The following FRMD4A variants were observed in gnomAD, a reference collection of about 807,000 sequenced individuals.
FRMD4A encodes FERM domain containing 4A, also known as FERM domain-containing protein 4A.
A neutral mutation model predicts 129.1 loss-of-function variants in FRMD4A; 29 were observed. The observed-to-expected ratio is 0.22, with a 90% CI of 0.17 to 0.31. FRMD4A has a LOEUF of 0.31. Ranked by LOEUF, FRMD4A falls within the 10% of genes least tolerant of loss-of-function variation. FRMD4A has a pLI of 1.00. For missense variants in FRMD4A, 1,272 were observed against 1,375.8 expected, an observed-to-expected ratio of 0.92 and a Z score of 1.19; for synonymous variants, 634 against 571.6, an observed-to-expected ratio of 1.11 and a Z score of -1.56.
intron 15 of FRMD4A, among the ~76,000 whole-genome samples, chr10:13,680,993 G>C (rs1303924761): frequency 6.6e-6 from 1 of 152,212 alleles, no homozygotes; most frequent in Non-Finnish European, 1.5e-5. Flanking sequence ...AACGCCTTGA[G>C]TTACTAATCT....
rs199665770 is a variant in FRMD4A at position 14,330,135 on chromosome 10, C to T, written c.-33G>A. 2.5e-3 allele frequency: 3,837 copies of T among 1,550,432 alleles called. 16 individuals carry two copies. The highest frequency in any genetic ancestry group is 0.01 in the Middle Eastern group (60 of 5,984). On this transcript the variant is annotated 5_prime_UTR_variant, in exon 2 of 25. Coordinates refer to ENST00000357447, the MANE Select transcript of FRMD4A (RefSeq NM_018027.5). ...GATTCCCATGCACGAATCCTGCTGC[C>T]GAGTCAGTCCTCCTGGGCCCCGGGT...
At chr10:13,734,715 C>T (rs1385454765) in intron 12 of FRMD4A, among the ~76,000 whole-genome samples, 2 of 152,216 alleles carry the variant, frequency 1.3e-5, no homozygotes, top group East Asian at 1.9e-4. Flanking sequence ...ATTCCTATTA[C>T]ACCACTCAGA....
chr10:13,666,005 C>G, intron 18 of FRMD4A, 92 bp downstream of exon 18: 1 of 743,352 alleles, frequency 1.3e-6, no homozygotes, highest in South Asian at 1.5e-5. Flanking sequence ...GGCAGCTGCT[C>G]AGGTCGTGCA....
chr10:13,827,206 C>T (rs972737391), intron 3 of FRMD4A, among the ~76,000 whole-genome samples: 2 of 152,098 alleles, frequency 1.3e-5, no homozygotes, highest in African/African-American at 2.4e-5. Flanking sequence ...ACAAAAGAAA[C>T]GGGTTAGCTT....
At chr10:14,145,182 A>G (rs1159585945) in intron 2 of FRMD4A, among the ~76,000 whole-genome samples, 1 of 152,200 alleles carries the variant, frequency 6.6e-6, no homozygotes, top group East Asian at 1.9e-4. Context: ...GTGACAGCAC[A>G]CAGCAGAATC....
intron 2 of FRMD4A, among the ~76,000 whole-genome samples, chr10:14,238,328 A>C (rs1359576361): frequency 6.6e-6 from 1 of 152,204 alleles, no homozygotes; most frequent in Non-Finnish European, 1.5e-5. Context: ...GAGTCCAGGT[A>C]ATGAGTCCAG....
chr10:14,042,681 A>T (rs1477812100), intron 2 of FRMD4A, among the ~76,000 whole-genome samples: 2 of 152,060 alleles, frequency 1.3e-5, no homozygotes, highest in African/African-American at 2.4e-5. Context: ...ATTTGAAAAC[A>T]GGCCGGCGCA....
intron 2 of FRMD4A, among the ~76,000 whole-genome samples, chr10:13,917,715 A>G (rs1187701314): frequency 6.6e-6 from 1 of 152,202 alleles, no homozygotes; most frequent in Non-Finnish European, 1.5e-5. Flanking sequence ...CAAACCCAAC[A>G]GCTCACCCTT....
intron 2 of FRMD4A, among the ~76,000 whole-genome samples, chr10:13,967,147 T>C (rs982040474): frequency 2.0e-5 from 3 of 152,168 alleles, no homozygotes; most frequent in Non-Finnish European, 2.9e-5. Flanking sequence ...CCATCCTGGC[T>C]AACACGGTGA....
chr10:14,172,300 C>T (rs1490917203), intron 2 of FRMD4A, among the ~76,000 whole-genome samples: 1 of 152,076 alleles, frequency 6.6e-6, no homozygotes, highest in Non-Finnish European at 1.5e-5. Context: ...TTGGTAGGAC[C>T]CGAACCCCAC....
intron 2 of FRMD4A, among the ~76,000 whole-genome samples, chr10:13,905,021 C>T (rs960330607): frequency 6.3e-4 from 61 of 96,162 alleles, no homozygotes; most frequent in Non-Finnish European, 1.2e-3. Context: ...GAAAAGAAAA[C>T]AGCATTTGAC....
At chr10:14,128,395 C>T (rs1399965966) in intron 2 of FRMD4A, among the ~76,000 whole-genome samples, 6 of 152,220 alleles carry the variant, frequency 3.9e-5, no homozygotes, top group East Asian at 3.9e-4. Context: ...TGAGCCACCC[C>T]GCCCAGCATA....
intron 2 of FRMD4A, among the ~76,000 whole-genome samples, chr10:14,122,104 G>A (rs1838557867): frequency 6.6e-6 from 1 of 152,220 alleles, no homozygotes. Context: ...CTGTCTCTGA[G>A]CAAATTACCT....
intron 2 of FRMD4A, among the ~76,000 whole-genome samples, chr10:13,911,537 T>C (rs1474464869): frequency 2.0e-5 from 3 of 152,162 alleles, no homozygotes; most frequent in Non-Finnish European, 4.4e-5. Context: ...AAACGGGCCA[T>C]AGTTTTGTTG....
At chr10:14,118,353 C>T (rs572101592) in intron 2 of FRMD4A, among the ~76,000 whole-genome samples, 8 of 152,288 alleles carry the variant, frequency 5.3e-5, no homozygotes, top group African/African-American at 1.9e-4. Flanking sequence ...GGGACCCAGA[C>T]TCTGTAAATT....
chr10:14,184,785 G>C (rs2131907544), intron 2 of FRMD4A, among the ~76,000 whole-genome samples: 1 of 152,266 alleles, frequency 6.6e-6, no homozygotes, highest in South Asian at 2.1e-4. Context: ...GAAGTTTGGA[G>C]AATAAAGGCG....
At chr10:13,961,494 C>A (rs2095445349) in intron 2 of FRMD4A, among the ~76,000 whole-genome samples, 1 of 152,214 alleles carries the variant, frequency 6.6e-6, no homozygotes, top group Non-Finnish European at 1.5e-5. Context: ...ACACACGATG[C>A]TTATTAAATA....
rs2088469712 is a variant in FRMD4A, at chr10:13,714,035, T to TATATATAAAATATATATAATATATA, written c.760-6923_760-6922insTATATATTATATATATTTTATATAT. 4.3e-5 allele frequency among the ~76,000 whole-genome samples: 2 copies of TATATATAAAATATATATAATATATA among 46,554 alleles called. 1 individual carries two copies. Among genetic ancestry groups the TATATATAAAATATATATAATATATA allele is most frequent in the Non-Finnish European group, 7.8e-5 (2 of 25,600 alleles). The allele number at this position is 46,554 out of a possible 152,430, so 30.5% of individuals were successfully genotyped here. On this transcript the variant is annotated intron_variant, in intron 12 of 24. Coordinates refer to ENST00000357447, the MANE Select transcript of FRMD4A (RefSeq NM_018027.5). ...TACATATATAAAATATACATATATA[T>TATATATAAAATATATATAATATATA]ATATATATATATATATATATATATA...
intron 15 of FRMD4A, among the ~76,000 whole-genome samples, chr10:13,679,871 G>A (rs1197365603): frequency 6.6e-6 from 1 of 151,988 alleles, no homozygotes; most frequent in South Asian, 2.1e-4. Flanking sequence ...CCAGTGACAC[G>A]GACACACCAG....
Sources: gnomAD v4.1 joint callset for allele counts (sites outside exome capture counted in the v4.1 genomes callset) on GRCh38, gnomAD v4.1.1 for gene constraint, MANE v1.5 for transcripts, NCBI Gene and HGNC (gene_info 2026-07-23, HGNC 2026-07-21) for gene names.